HS6ST3: variants seen among roughly 807,000 people sequenced by gnomAD.
HS6ST3 encodes heparan sulfate 6-O-sulfotransferase 3, also known as heparan-sulfate 6-O-sulfotransferase 3.
In HS6ST3, 12 loss-of-function variants were observed where a neutral mutation model predicts 36.7. The ratio of observed to expected loss-of-function variants is 0.33; its 90% CI spans 0.21 to 0.53. The LOEUF is 0.53. HS6ST3 is among the 20% of genes least tolerant of loss of function. HS6ST3 has a pLI of 0.95. For synonymous variants in HS6ST3, 240 were observed against 257.5 expected (o/e 0.93, Z 0.65); for missense variants, 584 against 640.9 (o/e 0.91, Z 0.96).
chr13:96,475,043 T>C (rs1871255581), intron 1 of HS6ST3, among the ~76,000 whole-genome samples: 1 of 152,110 alleles, frequency 6.6e-6, no homozygotes, highest in African/African-American at 2.4e-5. Context: ...CAAAGCTAAA[T>C]GCAACTCTAT....
At chr13:96,191,079 C>CT (rs1376513756) in intron 1 of HS6ST3, among the ~76,000 whole-genome samples, 2 of 152,178 alleles carry the variant, frequency 1.3e-5, no homozygotes, top group Non-Finnish European at 2.9e-5. Context: ...CTTCGCCATT[C>CT]TTATGTCTAA....
At chr13:96,221,696 C>CA (rs1388245571) in intron 1 of HS6ST3, among the ~76,000 whole-genome samples, 2 of 152,004 alleles carry the variant, frequency 1.3e-5, no homozygotes, top group Non-Finnish European at 2.9e-5. Context: ...GAGCTGGCTG[C>CA]AAAAATCTCA....
At position 96,450,306 on chromosome 13, in the gene HS6ST3, G is replaced by T. The variant is rs368132266; in HGVS notation, c.707+358737G>T. Among the ~76,000 whole-genome samples the T allele has an allele frequency of 3.9e-5, 6 of 152,196 alleles. No individual in the cohort carries two copies. The South Asian group carries it at 6.2e-4, about 16-fold the overall frequency. On this transcript the variant is annotated intron_variant, in intron 1 of 1. Coordinates refer to ENST00000376705, the MANE Select transcript of HS6ST3 (RefSeq NM_153456.4). The stretch of plus-strand genomic sequence containing the variant: ...ACTTTCTTTTTTCCCACTGGTATTT[G>T]CCATAGGAACTTTTATGATTTGTTT...
intron 1 of HS6ST3, among the ~76,000 whole-genome samples, chr13:96,217,065 C>T (rs996972234): frequency 5.3e-5 from 8 of 152,266 alleles, no homozygotes; most frequent in Middle Eastern, 3.4e-3. Context: ...CTGCTCATCT[C>T]CTTCTTCGAT....
chr13:96,789,668 AT>A (rs1433505375), intron 1 of HS6ST3, among the ~76,000 whole-genome samples: 6 of 150,548 alleles, frequency 4.0e-5, no homozygotes, highest in Non-Finnish European at 3.0e-5. Context: ...CCTGATGTAT[AT>A]TTTTGCTGAT....
At chr13:96,321,033 T>C (rs2055000488) in intron 1 of HS6ST3, among the ~76,000 whole-genome samples, 1 of 152,170 alleles carries the variant, frequency 6.6e-6, no homozygotes. Flanking sequence ...ATGCTATTCT[T>C]TGCACAATTA....
chr13:96,697,489 T>C (rs1380317821), intron 1 of HS6ST3, among the ~76,000 whole-genome samples: 1 of 152,068 alleles, frequency 6.6e-6, no homozygotes, highest in Admixed American at 6.6e-5. Context: ...TCTTTCCAAT[T>C]AAAAATTTCT....
intron 1 of HS6ST3, among the ~76,000 whole-genome samples, chr13:96,485,645 C>T (rs1210259009): frequency 6.6e-6 from 1 of 152,094 alleles, no homozygotes; most frequent in Non-Finnish European, 1.5e-5. Flanking sequence ...ACATGATTAT[C>T]ATGTTCCTGA....
intron 1 of HS6ST3, among the ~76,000 whole-genome samples, chr13:96,789,544 C>G (rs2138519232): frequency 1.3e-5 from 2 of 151,434 alleles, no homozygotes; most frequent in East Asian, 1.9e-4. Flanking sequence ...CCAGGTTTCC[C>G]ACTCATATCA....
At chr13:96,375,614 G>A (rs764394410) in intron 1 of HS6ST3, among the ~76,000 whole-genome samples, 4 of 152,186 alleles carry the variant, frequency 2.6e-5, no homozygotes, top group Non-Finnish European at 2.9e-5. Context: ...GCTTATTTTG[G>A]TTCTCAATTA....
At chr13:96,657,121 A>G (rs924240068) in intron 1 of HS6ST3, among the ~76,000 whole-genome samples, 4 of 152,008 alleles carry the variant, frequency 2.6e-5, no homozygotes, top group Non-Finnish European at 5.9e-5. Context: ...GTAGAACCCA[A>G]CCATCCCTAA....
intron 1 of HS6ST3, among the ~76,000 whole-genome samples, chr13:96,133,939 C>G (rs957027705): frequency 6.6e-6 from 1 of 150,836 alleles, no homozygotes; most frequent in African/African-American, 2.4e-5. Context: ...AACATGTAAT[C>G]CATTTTGAGT....
chr13:96,257,208 G>C (rs2054641475), intron 1 of HS6ST3, among the ~76,000 whole-genome samples: 1 of 152,184 alleles, frequency 6.6e-6, no homozygotes, highest in Admixed American at 6.5e-5. Flanking sequence ...CAAGAGACTA[G>C]AGGATTTTCC....
chr13:96,190,485 C>A (rs1349366233), intron 1 of HS6ST3, among the ~76,000 whole-genome samples: 1 of 152,186 alleles, frequency 6.6e-6, no homozygotes, highest in Non-Finnish European at 1.5e-5. Flanking sequence ...CAATGAGGTC[C>A]CCACTTGCTC....
chr13:96,332,204 C>A (rs2055074615), intron 1 of HS6ST3, among the ~76,000 whole-genome samples: 1 of 152,150 alleles, frequency 6.6e-6, no homozygotes, highest in African/African-American at 2.4e-5. Context: ...CTTGGCTCCT[C>A]CCCCCATTTT....
At chr13:96,529,722 T>G (rs921555615) in intron 1 of HS6ST3, among the ~76,000 whole-genome samples, 1 of 152,198 alleles carries the variant, frequency 6.6e-6, no homozygotes. Flanking sequence ...ATTTAGATGA[T>G]TTTTTAAATA....
intron 1 of HS6ST3, among the ~76,000 whole-genome samples, chr13:96,092,001 G>T (rs1235587790): frequency 6.6e-6 from 1 of 152,212 alleles, no homozygotes; most frequent in Non-Finnish European, 1.5e-5. Context: ...AGAGAGGCAA[G>T]GCACGAGTTT....
chr13:96,400,249 AC>A (rs1473086990), intron 1 of HS6ST3, among the ~76,000 whole-genome samples: 1 of 151,114 alleles, frequency 6.6e-6, no homozygotes, highest in Non-Finnish European at 1.5e-5. Context: ...ACACACAGAT[AC>A]ACACACATAC....
chr13:96,825,020 G>C (rs898992809), intron 1 of HS6ST3, among the ~76,000 whole-genome samples: 5 of 152,138 alleles, frequency 3.3e-5, no homozygotes, highest in Non-Finnish European at 5.9e-5. Flanking sequence ...TGGTTTTGTG[G>C]GGCAATGGGG....
Sources: gnomAD v4.1 joint callset for allele counts (sites outside exome capture counted in the v4.1 genomes callset) on GRCh38, gnomAD v4.1.1 for gene constraint, MANE v1.5 for transcripts, NCBI Gene and HGNC (gene_info 2026-07-23, HGNC 2026-07-21) for gene names.